CSGALNACT1: variants seen among roughly 807,000 people sequenced by gnomAD.
CSGALNACT1 encodes the protein beta4GalNAcT-1.
Under a neutral mutation model 51.0 loss-of-function variants are expected in CSGALNACT1, and 52 were observed. That is an observed-to-expected ratio of 1.02 (90% CI 0.82 to 1.29). CSGALNACT1 has a LOEUF of 1.29. Among genes scored for constraint, CSGALNACT1 ranks in the 50% most tolerant of loss-of-function variants. The pLI is 0.00. For synonymous variants in CSGALNACT1, 341 were observed against 254.4 expected (o/e 1.34, Z -3.24); for missense variants, 935 against 679.2 (o/e 1.38, Z -4.19).
intron 3 of CSGALNACT1, among the ~76,000 whole-genome samples, chr8:19,534,571 T>G (rs2083392543): frequency 1.3e-5 from 2 of 152,018 alleles, no homozygotes; most frequent in Non-Finnish European, 2.9e-5. Flanking sequence ...AACACACCAA[T>G]CATGACCCTG....
intron 1 of CSGALNACT1, among the ~76,000 whole-genome samples, chr8:19,747,301 C>T (rs2064737699): frequency 6.6e-6 from 1 of 151,564 alleles, no homozygotes; most frequent in African/African-American, 2.4e-5. Context: ...TCCATTAGAA[C>T]ACCAAACGTG....
intron 1 of CSGALNACT1, among the ~76,000 whole-genome samples, chr8:19,663,158 A>G (rs116998829): frequency 0.024 from 3,618 of 152,184 alleles, 73 homozygotes; most frequent in Non-Finnish European, 0.039. Context: ...TGCCTCTACC[A>G]TGCCCAGTTG....
At chr8:19,567,922 A>C (rs1156316013) in intron 3 of CSGALNACT1, among the ~76,000 whole-genome samples, 3 of 152,224 alleles carry the variant, frequency 2.0e-5, no homozygotes, top group Non-Finnish European at 4.4e-5. Context: ...GTACCTAGAA[A>C]TGAATTTAAT....
At chr8:19,633,312 C>T (rs1444395378) in intron 1 of CSGALNACT1, among the ~76,000 whole-genome samples, 1 of 151,968 alleles carries the variant, frequency 6.6e-6, no homozygotes, top group Non-Finnish European at 1.5e-5. Flanking sequence ...CCTTTCTTAC[C>T]CTACTGCTTG....
At chr8:19,656,653 T>C (rs1589303414) in intron 1 of CSGALNACT1, among the ~76,000 whole-genome samples, 1 of 110,574 alleles carries the variant, frequency 9.0e-6, no homozygotes, top group East Asian at 2.6e-4. Context: ...TTATCAAACA[T>C]GAAATATCAA....
chr8:19,461,834 G>GCATATCCGCACAGCGGCCACATTCCCCA (rs1298678613), intron 4 of CSGALNACT1, among the ~76,000 whole-genome samples: 2 of 147,696 alleles, frequency 1.4e-5, no homozygotes, highest in Non-Finnish European at 1.5e-5. Flanking sequence ...GCCATGGAGG[G>GCATATCCGCACAGCGGCCACATTCCCCA]TGTATCTGCA....
intron 1 of CSGALNACT1, among the ~76,000 whole-genome samples, chr8:19,650,221 G>A (rs180911818): frequency 3.3e-5 from 5 of 152,118 alleles, no homozygotes; most frequent in Admixed American, 3.3e-4. Flanking sequence ...AGTATAATCT[G>A]ATCAATGAGG....
intron 4 of CSGALNACT1, among the ~76,000 whole-genome samples, chr8:19,462,319 T>C (rs1395950282): frequency 6.7e-6 from 1 of 150,120 alleles, no homozygotes; most frequent in Non-Finnish European, 1.5e-5. Flanking sequence ...AACGTACAGA[T>C]AAAAATGTAT....
chr8:19,581,924 T>C (rs975286259), intron 3 of CSGALNACT1, among the ~76,000 whole-genome samples: 4 of 152,236 alleles, frequency 2.6e-5, no homozygotes, highest in Non-Finnish European at 4.4e-5. Flanking sequence ...ACTTTCTCAA[T>C]TTAGAAAATT....
chr8:19,599,329 G>A (rs2049718479), intron 2 of CSGALNACT1, among the ~76,000 whole-genome samples: 1 of 151,402 alleles, frequency 6.6e-6, no homozygotes. Context: ...ATACAAGGTG[G>A]CCGTAAAAAT....
chr8:19,729,768 A>AACTGCTAAGACAGAATTTTAAT (rs1430665470), intron 1 of CSGALNACT1, among the ~76,000 whole-genome samples: 62 of 152,142 alleles, frequency 4.1e-4, no homozygotes, highest in Non-Finnish European at 7.4e-4. Flanking sequence ...CTTTGACCAC[A>AACTGCTAAGACAGAATTTTAAT]CAGAGAAGGG....
intron 4 of CSGALNACT1, among the ~76,000 whole-genome samples, chr8:19,468,014 G>A (rs1047236458): frequency 1.3e-5 from 2 of 152,098 alleles, no homozygotes; most frequent in Non-Finnish European, 2.9e-5. Context: ...AGATGAACAT[G>A]ATAAAATCAC....
At chr8:19,487,518 C>T (rs1291450227) in intron 4 of CSGALNACT1, among the ~76,000 whole-genome samples, 1 of 152,066 alleles carries the variant, frequency 6.6e-6, no homozygotes, top group Non-Finnish European at 1.5e-5. Context: ...AATCTAATCG[C>T]TATTAACATA....
intron 3 of CSGALNACT1, among the ~76,000 whole-genome samples, chr8:19,514,413 C>G (rs1485349098): frequency 6.9e-6 from 1 of 144,840 alleles, no homozygotes; most frequent in African/African-American, 2.6e-5. Context: ...GACCAGCTGT[C>G]TCCAAACATT....
chr8:19,418,902 A>G (rs1322154367), intron 7 of CSGALNACT1, 152 bp from the exon 7 acceptor site: 1 of 694,654 alleles, frequency 1.4e-6, no homozygotes, highest in Admixed American at 2.0e-5. Flanking sequence ...GCTGCAATAG[A>G]GTGGCACAAT....
chr8:19,435,903 T>A (rs144636125), intron 6 of CSGALNACT1, among the ~76,000 whole-genome samples: 11 of 152,082 alleles, frequency 7.2e-5, no homozygotes, highest in African/African-American at 2.4e-4. Context: ...CGCACACACA[T>A]TGAAATTAAA....
intron 5 of CSGALNACT1, among the ~76,000 whole-genome samples, chr8:19,440,528 T>A (rs1182597714): frequency 6.6e-6 from 1 of 152,034 alleles, no homozygotes; most frequent in Non-Finnish European, 1.5e-5. Flanking sequence ...CCCTTCATGC[T>A]AAAAACTCTC....
intron 1 of CSGALNACT1, among the ~76,000 whole-genome samples, chr8:19,668,581 G>C (rs1326415071): frequency 6.6e-6 from 1 of 152,088 alleles, no homozygotes; most frequent in African/African-American, 2.4e-5. Flanking sequence ...TTGAGACCAA[G>C]TCTTGCTCTG....
intron 4 of CSGALNACT1, among the ~76,000 whole-genome samples, chr8:19,490,556 C>G (rs565227845): frequency 6.6e-6 from 1 of 152,290 alleles, no homozygotes; most frequent in Admixed American, 6.5e-5. Flanking sequence ...GCTTAGAGGC[C>G]AGGAGCATGC....
Sources: allele counts gnomAD v4.1 joint callset (sites outside exome capture counted in the v4.1 genomes callset), GRCh38; gene constraint gnomAD v4.1.1; transcripts MANE v1.5; gene names NCBI Gene and HGNC (gene_info 2026-07-23, HGNC 2026-07-21).